SCN4B: variants seen among roughly 807,000 people sequenced by gnomAD.
SCN4B encodes the protein sodium voltage-gated channel beta subunit 4, also known as sodium channel regulatory subunit beta-4.
SCN4B carries 20 observed loss-of-function variants against 19.6 expected under a neutral mutation model. The ratio of observed to expected loss-of-function variants is 1.02; its 90% CI spans 0.72 to 1.48. The LOEUF (loss-of-function observed/expected upper bound fraction) is 1.48, where lower values mean the gene tolerates loss of function less well. Among genes scored for constraint, SCN4B ranks in the 40% most tolerant of loss-of-function variants. The probability of loss-of-function intolerance (pLI) is 0.00; values close to 1 mark genes in which losing one functional copy is unlikely to be tolerated. For synonymous variants in SCN4B, 127 were observed against 122.8 expected, an observed-to-expected ratio of 1.03 and a Z score of -0.22; for missense variants, 271 against 287.5, an observed-to-expected ratio of 0.94 and a Z score of 0.42.
intron 1 of SCN4B, among the ~76,000 whole-genome samples, chr11:118,149,342 A>G (rs598746): frequency 0.56 from 85,094 of 151,986 alleles, 24,122 homozygotes; most frequent in African/African-American, 0.63. Flanking sequence ...TGGCATGGCA[A>G]GTGGACACAC....
At chr11:118,151,668 CGT>C (rs1392893984) in intron 1 of SCN4B, among the ~76,000 whole-genome samples, 1 of 152,182 alleles carries the variant, frequency 6.6e-6, no homozygotes, top group Admixed American at 6.5e-5. Context: ...ATACCTACAC[CGT>C]GTGTCTTACC....
chr11:118,134,798 C>CT lies in SCN4B; in HGVS notation c.*2228dup, dbSNP rs992185587. 25 of 454,084 alleles carry CT rather than the reference C, an allele frequency of 5.5e-5. No homozygotes were observed. Among genetic ancestry groups the CT allele is most frequent in the African/African-American group, 4.6e-4 (23 of 50,108 alleles). 28.1% of individuals were successfully genotyped at this position (454,084 alleles called of 1,614,324 possible). On this transcript the variant is annotated 3_prime_UTR_variant, in exon 5 of 5. Transcript: ENST00000324727. ...AATTAATACCTGGCTTCCCAGATCC[C>CT]TTTCCAAGCCAAAAAGATGTTTTTA...
chr11:118,138,984 C>T (rs1042616995), intron 4 of SCN4B, among the ~76,000 whole-genome samples: 2 of 152,106 alleles, frequency 1.3e-5, no homozygotes, highest in Admixed American at 6.5e-5. Context: ...TACGGTCTGT[C>T]CCCTGCCCCC....
rs558722540 is a variant in SCN4B, at chr11:118,144,455, A to C, written c.235-394T>G. 2.0e-4 allele frequency among the ~76,000 whole-genome samples: 30 copies of C among 152,116 alleles called. No individual in the cohort carries two copies. The South Asian group carries it at 3.3e-3, about 17-fold the overall frequency. On this transcript the variant is annotated intron_variant, in intron 2 of 4. Coordinates refer to ENST00000324727, the MANE Select transcript of SCN4B (RefSeq NM_174934.4). ...AACTGAATTTTGGCCCCCTGTCAAGACCTGGATCAATCCCACAGCTCTGCC... is the reference window on the plus strand; with the variant it reads ...AACTGAATTTTGGCCCCCTGTCAAGCCCTGGATCAATCCCACAGCTCTGCC...
chr11:118,145,310 A>G, intron 1 of SCN4B, 81 bp from the exon 2 acceptor site: 1 of 1,597,074 alleles, frequency 6.3e-7, no homozygotes, highest in Non-Finnish European at 8.5e-7. Flanking sequence ...AGGGCGGAGT[A>G]GCTTGGCCAG....
Position 118,137,200 on chromosome 11 carries a change from T to G in SCN4B, c.594-80A>C, listed in dbSNP as rs66549461. On this transcript the variant is annotated intron_variant, in intron 4 of 4. Coordinates refer to ENST00000324727, the MANE Select transcript of SCN4B (RefSeq NM_174934.4). ...GAATTGTGGCAGGAGCCGTGGGCCC[T>G]GCACCCAGCCCTGTGCCTCTCCCTG... 6.8e-3 allele frequency: 6,912 copies of G among 1,022,494 alleles called. 267 individuals carry two copies. In the African/African-American group the frequency reaches 0.091, roughly 13 times the overall value. The allele number at this position is 1,022,494 out of a possible 1,614,324, so 63.3% of individuals were successfully genotyped here. A position where few individuals can be genotyped will look rare whatever the true frequency, so the allele number is the denominator to read the frequency against.
rs760898543 is a variant in SCN4B, at chr11:118,134,918, G to A, written c.*2109C>T. 2 of 454,108 alleles carry A rather than the reference G, an allele frequency of 4.4e-6. No homozygotes were observed. The highest frequency in any genetic ancestry group is 3.1e-5 in the South Asian group (2 of 64,470). 28.1% of individuals were successfully genotyped at this position (454,108 alleles called of 1,614,324 possible). ...GGAAAGAGCTGAGCTGAGAGAAGCT[G>A]CATGATCCATCTAGAAATCAGCAGT... is the stretch of plus-strand genomic sequence containing the variant. On this transcript the variant is annotated 3_prime_UTR_variant, in exon 5 of 5. Coordinates refer to ENST00000324727, the MANE Select transcript of SCN4B (RefSeq NM_174934.4).
rs1386111015 is a variant in SCN4B, at chr11:118,135,115, G to C, written c.*1912C>G. On this transcript the variant is annotated 3_prime_UTR_variant, in exon 5 of 5. Transcript: ENST00000324727. ...TGAAGGTAGCTATAAGAAGTTTTCT[G>C]AATGGCTGGTGGCTCTGGTCTGTCT... 1 of 454,148 alleles carries C rather than the reference G, an allele frequency of 2.2e-6. No individual in the cohort carries two copies. The highest frequency in any genetic ancestry group is 2.3e-5 in the Admixed American group (1 of 42,582). 28.1% of individuals were successfully genotyped at this position (454,148 alleles called of 1,614,324 possible).
At chr11:118,151,805 G>T (rs1948235272) in intron 1 of SCN4B, among the ~76,000 whole-genome samples, 1 of 152,220 alleles carries the variant, frequency 6.6e-6, no homozygotes, top group African/African-American at 2.4e-5. Flanking sequence ...CATCCTGGAT[G>T]AATAAATATC....
At chr11:118,143,736 C>T (rs1948129899) in intron 3 of SCN4B, 97 bp downstream of exon 3, 2 of 839,280 alleles carry the variant, frequency 2.4e-6, no homozygotes, top group Non-Finnish European at 4.0e-6. Flanking sequence ...AAAGAAAACA[C>T]CAACACGGTC....
chr11:118,152,728 GC>G lies in SCN4B; in HGVS notation c.-56del. The G allele has an allele frequency of 2.1e-6, 3 of 1,418,556 alleles. No homozygotes were observed. The highest frequency in any genetic ancestry group is 2.9e-6 in the Non-Finnish European group (3 of 1,035,140). The allele number at this position is 1,418,556 out of a possible 1,614,324, so 87.9% of individuals were successfully genotyped here. Reference sequence around the variant, plus strand: ...TCGCGGGGATGGGATACTGGGCACAGCCGCGCTCTCCGCCCGAGGTCGGCGT... The same window carrying G: ...TCGCGGGGATGGGATACTGGGCACAGCGCGCTCTCCGCCCGAGGTCGGCGT... On this transcript the variant is annotated 5_prime_UTR_variant, in exon 1 of 5. Transcript: ENST00000324727.
At chr11:118,139,966 G>T (rs1227752487) in intron 4 of SCN4B, among the ~76,000 whole-genome samples, 1 of 147,986 alleles carries the variant, frequency 6.8e-6, no homozygotes, top group Non-Finnish European at 1.5e-5. Context: ...TCAAACTCCT[G>T]GGCTCAAAGC....
At chr11:118,139,004 C>T (rs1948061870) in intron 4 of SCN4B, among the ~76,000 whole-genome samples, 1 of 152,106 alleles carries the variant, frequency 6.6e-6, no homozygotes, top group Non-Finnish European at 1.5e-5. Flanking sequence ...CAGGCTCTTC[C>T]ACCCAATCCC....
At chr11:118,151,122 G>GCGCACACACACACACACA (rs1046976711) in intron 1 of SCN4B, among the ~76,000 whole-genome samples, 1 of 149,132 alleles carries the variant, frequency 6.7e-6, no homozygotes, top group African/African-American at 2.5e-5. Context: ...TTACACACGT[G>GCGCACACACACACACACA]CACACACACA....
At position 118,135,186 on chromosome 11, in the gene SCN4B, T is replaced by G; in HGVS notation, c.*1841A>C. On this transcript the variant is annotated 3_prime_UTR_variant, in exon 5 of 5. Transcript: ENST00000324727. ...CTGAGCCCCAGCCCATGACAGGTTC[T>G]GGGTAGAGAAGAATGGGAGGCGCAC... 1 of 454,068 alleles carries G rather than the reference T, an allele frequency of 2.2e-6. No homozygotes were observed. The highest frequency in any genetic ancestry group is 4.4e-6 in the Non-Finnish European group (1 of 226,762). 28.1% of individuals were successfully genotyped at this position (454,068 alleles called of 1,614,324 possible).
rs1948100178 is a variant in SCN4B, at chr11:118,141,578, C to A, written c.464-242G>T. The A allele has an allele frequency of 6.9e-6, 4 of 577,830 alleles. No homozygotes were observed. In the South Asian group the frequency reaches 8.0e-5, roughly 12 times the overall value. 35.8% of individuals were successfully genotyped at this position (577,830 alleles called of 1,614,324 possible). ...CTCCCCCACCCTGCACATGCCCTCC[C>A]ACAGATGCACTCACACGAGTTCTGG... On this transcript the variant is annotated intron_variant, in intron 3 of 4. Coordinates refer to ENST00000324727, the MANE Select transcript of SCN4B (RefSeq NM_174934.4).
chr11:118,151,172 G>T (rs904927001), intron 1 of SCN4B, among the ~76,000 whole-genome samples: 1 of 151,518 alleles, frequency 6.6e-6, no homozygotes, highest in South Asian at 2.1e-4. Flanking sequence ...GGGCCCTCTT[G>T]GTTGCCCACA....
chr11:118,146,438 C>A (rs1948177885), intron 1 of SCN4B, among the ~76,000 whole-genome samples: 1 of 152,218 alleles, frequency 6.6e-6, no homozygotes, highest in African/African-American at 2.4e-5. Context: ...CTAGAGGACA[C>A]TGGCACCTTC....
chr11:118,144,989 C>A (rs1948151325), intron 2 of SCN4B, 68 bp downstream of exon 2: 1 of 1,505,980 alleles, frequency 6.6e-7, no homozygotes, highest in Non-Finnish European at 9.2e-7. Flanking sequence ...CCAGAAGGGA[C>A]CAGAGCGTAG....
Sources: gnomAD v4.1 joint callset for allele counts (sites outside exome capture counted in the v4.1 genomes callset) on GRCh38, gnomAD v4.1.1 for gene constraint, MANE v1.5 for transcripts, NCBI Gene and HGNC (gene_info 2026-07-23, HGNC 2026-07-21) for gene names.